The following RNF126 variants were observed in gnomAD, a reference collection of about 807,000 sequenced individuals.
RNF126 encodes E3 ubiquitin-protein ligase RNF126.
Under a neutral mutation model 41.9 loss-of-function variants are expected in RNF126, and 20 were observed. The ratio of observed to expected loss-of-function variants is 0.48; its 90% confidence interval spans 0.34 to 0.69. RNF126 has a LOEUF of 0.69. Ranked by LOEUF, RNF126 falls within the 30% of genes least tolerant of loss-of-function variation. RNF126 has a pLI of 0.01. For synonymous variants in RNF126, 239 were observed against 202.9 expected (o/e 1.18, Z -1.51); for missense variants, 433 against 460.6 (o/e 0.94, Z 0.55).
At chr19:662,071 C>A (rs1332050081) in intron 1 of RNF126, among the ~76,000 whole-genome samples, 1 of 152,168 alleles carries the variant, frequency 6.6e-6, no homozygotes, top group Non-Finnish European at 1.5e-5. Flanking sequence ...GTAATCCCAG[C>A]GTTTTGGGAG....
Position 648,455 on chromosome 19 carries a change from C to A in RNF126, c.703G>T (p.Asp235Tyr). Residue 235 changes from aspartate (D) to tyrosine (Y), a missense_variant, in exon 8 of 9, where the codon GAC (aspartate) becomes TAC (tyrosine). By Grantham distance (160) the Asp-to-Tyr change is radical. Coordinates refer to ENST00000292363, the MANE Select transcript of RNF126 (RefSeq NM_194460.3). ...CGCACACGCTCACCCAGCGCGTAGT[C>A]GTCCTTGCACACAGGGCACTCGAGC... ...SGLECPVCKDDYALGERVRQL... is the reference protein window; with the variant it reads ...SGLECPVCKDYYALGERVRQL... The A allele has an allele frequency of 6.3e-7, 1 of 1,588,618 alleles. No homozygotes were observed. The highest frequency in any genetic ancestry group is 8.5e-7 in the Non-Finnish European group (1 of 1,170,808).
chr19:654,434 G>A (rs1255565760), intron 1 of RNF126, among the ~76,000 whole-genome samples: 2 of 151,966 alleles, frequency 1.3e-5, no homozygotes, highest in African/African-American at 4.8e-5. Flanking sequence ...TCTGAGATCA[G>A]GAGTTGGAGA....
chr19:651,643 G>A lies in RNF126; in HGVS notation c.411C>T (p.Thr137=), dbSNP rs573275446. 8.2e-5 allele frequency: 123 copies of A among 1,495,028 alleles called. No individual in the cohort carries two copies. Among genetic ancestry groups the A allele is most frequent in the East Asian group, 7.3e-4 (29 of 39,884 alleles). 92.6% of individuals were successfully genotyped at this position (1,495,028 alleles called of 1,614,324 possible). The change falls in exon 4 of 9, where the codon ACC becomes ACT. Residue 137 remains threonine (T), a synonymous_variant. Transcript: ENST00000292363. ...PRARLTTRRA[T]GRHEGVPTLE... is the part of the protein sequence containing the mutation. The stretch of plus-strand genomic sequence containing the variant: ...GCGTGGGGACGCCTTCGTGCCGGCC[G>A]GTGGCCCGCCGCGTGGTGAGGCGGG...
intron 6 of RNF126, chr19:649,176 G>A (rs944786621): frequency 1.2e-4 from 39 of 320,454 alleles, no homozygotes; most frequent in Non-Finnish European, 2.0e-4. Flanking sequence ...GGTGGAATGG[G>A]GGAATGGGCG....
chr19:654,040 T>C (rs2030449011), intron 1 of RNF126, among the ~76,000 whole-genome samples: 1 of 152,098 alleles, frequency 6.6e-6, no homozygotes, highest in Non-Finnish European at 1.5e-5. Context: ...GCAAGCAAGA[T>C]CCCGGCCTCA....
chr19:655,972 T>C (rs1023780662), intron 1 of RNF126, among the ~76,000 whole-genome samples: 2 of 151,562 alleles, frequency 1.3e-5, no homozygotes, highest in Non-Finnish European at 2.9e-5. Context: ...CCCACGTCTA[T>C]GAAATGTCCA....
intron 3 of RNF126, 171 bp from the exon 4 acceptor site, chr19:652,026 A>G: frequency 1.4e-6 from 1 of 697,258 alleles, no homozygotes; most frequent in Non-Finnish European, 2.3e-6. Flanking sequence ...CGCTGGTGTG[A>G]GATGCCTCGG....
intron 1 of RNF126, among the ~76,000 whole-genome samples, chr19:657,073 A>AGGAC (rs2030591261): frequency 1.3e-5 from 2 of 152,190 alleles, no homozygotes; most frequent in African/African-American, 2.4e-5. Flanking sequence ...CACTGAGGGC[A>AGGAC]GGACGTAAGT....
At position 650,584 on chromosome 19, in the gene RNF126, C is replaced by CTTTT. The variant is rs34495183; in HGVS notation, c.444-292_444-289dup. ...AGAAGAGGTCCACCACTCTCGGCTA[C>CTTTT]TTTTTTTTTTTTTTTTTTTTTTTTT... On this transcript the variant is annotated intron_variant, in intron 4 of 8. Transcript: ENST00000292363. The CTTTT allele has an allele frequency of 4.1e-3, 295 of 72,264 alleles. 4 individuals are homozygous for CTTTT. Among genetic ancestry groups the CTTTT allele is most frequent in the East Asian group, 8.9e-3 (18 of 2,032 alleles). 4.5% of individuals were successfully genotyped at this position (72,264 alleles called of 1,614,324 possible). A position where few individuals can be genotyped will look rare whatever the true frequency, so the allele number is the denominator to read the frequency against.
chr19:659,411 A>T lies in RNF126; in HGVS notation c.75+3636T>A, dbSNP rs2030699988. Among the ~76,000 whole-genome samples the T allele has an allele frequency of 6.6e-6, 1 of 151,860 alleles. No homozygotes were observed. The highest frequency in any genetic ancestry group is 1.5e-5 in the Non-Finnish European group (1 of 67,914). On this transcript the variant is annotated intron_variant, in intron 1 of 8. Transcript: ENST00000292363. This position sits in a 1 kb window ranked among gnomAD's most constrained non-coding sequence, Gnocchi z 4.9. ...GGCCCAGCACCCCCACCGTCCTCTCACCGCCACTTGGGGACACTGCGGAGG... is the reference window on the plus strand; with the variant it reads ...GGCCCAGCACCCCCACCGTCCTCTCTCCGCCACTTGGGGACACTGCGGAGG...
Position 648,940 on chromosome 19 carries a change from C to A in RNF126, c.612G>T (p.Pro204=). 2 of 1,402,022 alleles carry A rather than the reference C, an allele frequency of 1.4e-6. No individual in the cohort carries two copies. Among genetic ancestry groups the A allele is most frequent in the Non-Finnish European group, 1.9e-6 (2 of 1,075,320 alleles). 86.8% of individuals were successfully genotyped at this position (1,402,022 alleles called of 1,614,324 possible). The change falls in exon 7 of 9, where the codon CCG becomes CCT. Residue 204 remains proline, a synonymous_variant. Coordinates refer to ENST00000292363, the MANE Select transcript of RNF126 (RefSeq NM_194460.3). ...LNQFENTGPP[P]ADKEKIQALP... ...GGGCCTGGATTTTCTCTTTATCTGCCGGTGGGGGGCCTGTGTTTTCAAACT... is the reference window on the plus strand; with the variant it reads ...GGGCCTGGATTTTCTCTTTATCTGCAGGTGGGGGGCCTGTGTTTTCAAACT...
rs906278762 is a variant in RNF126 at position 649,136 on chromosome 19, C to G, written c.577-161G>C. Reference sequence around the variant, plus strand: ...GGGTCGGAGATCACTGTGGAGCCCACGCGGCCCCCCCGCTCCTGGGTCCCC... The same window carrying G: ...GGGTCGGAGATCACTGTGGAGCCCAGGCGGCCCCCCCGCTCCTGGGTCCCC... On this transcript the variant is annotated intron_variant, in intron 6 of 8. Transcript: ENST00000292363. 2.1e-5 allele frequency: 8 copies of G among 375,152 alleles called. No homozygotes were observed. The Admixed American group carries it at 3.1e-4, about 14-fold the overall frequency. 23.2% of individuals were successfully genotyped at this position (375,152 alleles called of 1,614,324 possible).
At position 648,217 on chromosome 19, in the gene RNF126, G is replaced by A. The variant is rs764866241; in HGVS notation, c.847C>T (p.Pro283Ser). The A allele has an allele frequency of 6.2e-7, 1 of 1,602,520 alleles. No homozygotes were observed. The highest frequency in any genetic ancestry group is 8.5e-7 in the Non-Finnish European group (1 of 1,174,814). The change falls in exon 9 of 9, where the codon CCT becomes TCT. Residue 283 changes from proline (P) to serine (S), a missense_variant. Around this residue, in one of 5 missense-constraint regions of RNF126, gnomAD observed 63 missense variants for 47.9 expected, o/e 1.32. Transcript: ENST00000292363. ...LTGQNTATNP[P>S]GLTGVSFSSS... Reference sequence around the variant, plus strand: ...GAGAAGCTCACCCCAGTGAGGCCAGGGGGGTTCGTGGCCGTGTTCTGTCCC... The same window carrying A: ...GAGAAGCTCACCCCAGTGAGGCCAGAGGGGTTCGTGGCCGTGTTCTGTCCC...
rs764866241 is a variant in RNF126, at chr19:648,217, G to T, written c.847C>A (p.Pro283Thr). ...GAGAAGCTCACCCCAGTGAGGCCAG[G>T]GGGGTTCGTGGCCGTGTTCTGTCCC... ...LTGQNTATNP[P>T]GLTGVSFSSS... The change falls in exon 9 of 9, where the codon CCT becomes ACT. Residue 283 changes from proline (P) to threonine (T), a missense_variant. Pro to Thr is a conservative substitution (Grantham distance 38). Around this residue, in one of 5 missense-constraint regions of RNF126, gnomAD observed 63 missense variants for 47.9 expected, o/e 1.32. Transcript: ENST00000292363. 1.9e-6 allele frequency: 3 copies of T among 1,602,402 alleles called. No homozygotes were observed. Among genetic ancestry groups the T allele is most frequent in the African/African-American group, 2.7e-5 (2 of 74,714 alleles).
chr19:657,944 G>C (rs2030628665), intron 1 of RNF126, among the ~76,000 whole-genome samples: 1 of 152,036 alleles, frequency 6.6e-6, no homozygotes, highest in African/African-American at 2.4e-5. Flanking sequence ...ATTAAATCGG[G>C]GCAGCTGCAG....
Position 659,529 on chromosome 19 carries a change from C to G in RNF126, c.75+3518G>C, listed in dbSNP as rs1016590885. Among the ~76,000 whole-genome samples the G allele has an allele frequency of 2.0e-5, 3 of 152,108 alleles. No individual in the cohort carries two copies. Among genetic ancestry groups the G allele is most frequent in the Middle Eastern group, 3.2e-3 (1 of 316 alleles). ...GGGGAGGTCAGGGGCAAGGACGGCA[C>G]GCAGGGCCACCTCCCTGCGCCCGCC... On this transcript the variant is annotated intron_variant, in intron 1 of 8. Transcript: ENST00000292363. This position sits in a 1 kb window ranked among gnomAD's most constrained non-coding sequence, Gnocchi z 4.9.
At chr19:650,587 T>A in intron 4 of RNF126, 2 of 191,754 alleles carry the variant, frequency 1.0e-5, no homozygotes, top group Admixed American at 6.4e-5. Context: ...TCGGCTACTT[T>A]TTTTTTTTTT....
intron 1 of RNF126, among the ~76,000 whole-genome samples, chr19:653,588 G>A (rs948490503): frequency 6.6e-6 from 1 of 152,232 alleles, no homozygotes; most frequent in African/African-American, 2.4e-5. Context: ...GGAGACACTG[G>A]CTCACAGGGC....
chr19:654,882 G>C (rs1034994957), intron 1 of RNF126, among the ~76,000 whole-genome samples: 1 of 151,660 alleles, frequency 6.6e-6, no homozygotes, highest in Middle Eastern at 3.2e-3. Context: ...CAGGAGAATC[G>C]CTTGAACCTA....
Sources: allele counts gnomAD v4.1 joint callset (sites outside exome capture counted in the v4.1 genomes callset), GRCh38; gene constraint gnomAD v4.1.1; regional missense constraint gnomAD v4.1.1; non-coding constraint Gnocchi (gnomAD v3.1); transcripts MANE v1.5; gene names NCBI Gene and HGNC (gene_info 2026-07-23, HGNC 2026-07-21).